Variants in CCNY observed in about 807,000 individuals in gnomAD.
CCNY encodes the protein cyclin-Y.
CCNY carries 19 observed loss-of-function variants against 42.8 expected under a neutral mutation model. The observed-to-expected ratio is 0.44, with a 90% CI of 0.31 to 0.65. The LOEUF (loss-of-function observed/expected upper bound fraction) is 0.65. Among genes scored for constraint, CCNY ranks in the 30% least tolerant of loss-of-function variants. The pLI is 0.07. For missense variants in CCNY, 370 were observed against 437.3 expected, an observed-to-expected ratio of 0.85 and a Z score of 1.37; for synonymous variants, 165 against 162.7, an observed-to-expected ratio of 1.01 and a Z score of -0.11.
chr10:35,540,564 C>CTTTTTTTTTTTTTTTTTTTTTTTTTT (rs561129843), intron 7 of CCNY, among the ~76,000 whole-genome samples: 9 of 144,804 alleles, frequency 6.2e-5, no homozygotes, highest in African/African-American at 2.0e-4. Context: ...ATTCCTTCTA[C>CTTTTTTTTTTTTTTTTTTTTTTTTTT]TTTTTTTTTT....
chr10:35,304,311 ATTT>A (rs1233409039), intron 3 of CCNY, among the ~76,000 whole-genome samples: 3 of 47,564 alleles, frequency 6.3e-5, no homozygotes, highest in African/African-American at 1.6e-4. Context: ...TTTTTTTTTT[ATTT>A]TTTATTTTTT....
At chr10:35,301,559 G>A (rs1835533731) in intron 3 of CCNY, among the ~76,000 whole-genome samples, 1 of 152,192 alleles carries the variant, frequency 6.6e-6, no homozygotes. Flanking sequence ...GAACACATGG[G>A]ATATTTGAGC....
chr10:35,408,690 C>T (rs572125593), intron 1 of CCNY, among the ~76,000 whole-genome samples: 1 of 152,250 alleles, frequency 6.6e-6, no homozygotes, highest in Non-Finnish European at 1.5e-5. Flanking sequence ...TTCAGGCCAT[C>T]TGGATGTATA....
chr10:35,263,535 C>G (rs992042317), intron 3 of CCNY, among the ~76,000 whole-genome samples: 10 of 149,654 alleles, frequency 6.7e-5, no homozygotes, highest in Middle Eastern at 3.4e-3. Context: ...AGCAAAGACC[C>G]TGTCTTAAAA....
intron 3 of CCNY, among the ~76,000 whole-genome samples, chr10:35,515,981 C>T (rs1365798470): frequency 6.6e-6 from 1 of 152,168 alleles, no homozygotes; most frequent in Non-Finnish European, 1.5e-5. Context: ...TTACTTTGTC[C>T]TTAACAAAGC....
intron 1 of CCNY, among the ~76,000 whole-genome samples, chr10:35,397,514 C>CTT (rs1033967117): frequency 2.0e-5 from 3 of 152,188 alleles, no homozygotes; most frequent in African/African-American, 7.2e-5. Flanking sequence ...CCATTTCCCT[C>CTT]TTTGGCCCTG....
intron 2 of CCNY, among the ~76,000 whole-genome samples, chr10:35,500,803 C>T (rs1840095941): frequency 6.6e-6 from 1 of 152,222 alleles, no homozygotes. Context: ...TATCTGGGGA[C>T]ACTGCAGGCT....
At chr10:35,367,748 C>G (rs1170107982) in intron 1 of CCNY, among the ~76,000 whole-genome samples, 1 of 152,190 alleles carries the variant, frequency 6.6e-6, no homozygotes, top group Non-Finnish European at 1.5e-5. Context: ...CCCTTAGAGA[C>G]TATTGCAGGT....
chr10:35,519,776 CTTTTTTTTTT>C (rs1177122335), intron 4 of CCNY, among the ~76,000 whole-genome samples: 46 of 74,662 alleles, frequency 6.2e-4, no homozygotes, highest in Non-Finnish European at 9.0e-4. Flanking sequence ...CTTTTCTTTT[CTTTTTTTTTT>C]TTTTTTTTTT....
intron 1 of CCNY, among the ~76,000 whole-genome samples, chr10:35,436,615 T>TA (rs1330084420): frequency 2.6e-5 from 4 of 152,224 alleles, no homozygotes; most frequent in African/African-American, 7.2e-5. Flanking sequence ...CACTTGCTCT[T>TA]ACCCACATGT....
intron 3 of CCNY, among the ~76,000 whole-genome samples, chr10:35,251,402 G>A (rs914318612): frequency 1.3e-5 from 2 of 152,160 alleles, no homozygotes; most frequent in Non-Finnish European, 2.9e-5. Flanking sequence ...AGATGAGACA[G>A]ATGGTGTTGT....
chr10:35,568,724 A>G (rs1841622339), intron 9 of CCNY, among the ~76,000 whole-genome samples: 1 of 152,234 alleles, frequency 6.6e-6, no homozygotes, highest in African/African-American at 2.4e-5. Context: ...CAAGGATTCA[A>G]AACAGCACGC....
intron 1 of CCNY, among the ~76,000 whole-genome samples, chr10:35,403,295 G>A (rs750534135): frequency 2.6e-5 from 4 of 152,172 alleles, no homozygotes; most frequent in Non-Finnish European, 5.9e-5. Flanking sequence ...ATGAAATGAC[G>A]ACAGAAAAGA....
intron 2 of CCNY, among the ~76,000 whole-genome samples, chr10:35,250,021 C>T (rs571988714): frequency 9.2e-5 from 14 of 152,022 alleles, no homozygotes; most frequent in African/African-American, 2.2e-4. Flanking sequence ...GGTGAAACCC[C>T]GTCTCTACTA....
At chr10:35,330,549 G>T (rs1007209938) in intron 3 of CCNY, among the ~76,000 whole-genome samples, 2 of 152,064 alleles carry the variant, frequency 1.3e-5, no homozygotes, top group Admixed American at 6.5e-5. Context: ...GCTAGATCGG[G>T]ATTACATTTG....
At position 35,572,208 on chromosome 10, in the gene CCNY, G is replaced by A. The variant is rs1011480423; in HGVS notation, c.*3038G>A. 6.6e-6 allele frequency: 1 copy of A among 152,052 alleles called. No homozygotes were observed. Among genetic ancestry groups the A allele is most frequent in the Non-Finnish European group, 1.5e-5 (1 of 68,022 alleles). The allele number at this position is 152,052 out of a possible 1,614,324, so 9.4% of individuals were successfully genotyped here. ...AAGCTAAGCTGAAAGCAAAATTTGG[G>A]GAGTGAATGATTTAAACTTTTCCTG... On this transcript the variant is annotated 3_prime_UTR_variant, in exon 10 of 10. Coordinates refer to ENST00000374704, the MANE Select transcript of CCNY (RefSeq NM_145012.6).
intron 1 of CCNY, among the ~76,000 whole-genome samples, chr10:35,446,817 C>T (rs1838799196): frequency 1.3e-5 from 2 of 152,114 alleles, no homozygotes; most frequent in African/African-American, 2.4e-5. Flanking sequence ...TGTTCTCCAG[C>T]GGAAGTGTAA....
chr10:35,407,122 G>T (rs901592914), intron 1 of CCNY, among the ~76,000 whole-genome samples: 1 of 152,154 alleles, frequency 6.6e-6, no homozygotes, highest in Non-Finnish European at 1.5e-5. Context: ...GAAAAAAGGA[G>T]CATTAACCTT....
chr10:35,456,570 A>G (rs897062680), intron 1 of CCNY, among the ~76,000 whole-genome samples: 4 of 152,178 alleles, frequency 2.6e-5, no homozygotes, highest in Admixed American at 2.6e-4. Flanking sequence ...CCAAAGCTCG[A>G]CAGACTTGAT....
Sources: gnomAD v4.1 joint callset for allele counts (sites outside exome capture counted in the v4.1 genomes callset) on GRCh38, gnomAD v4.1.1 for gene constraint, MANE v1.5 for transcripts, NCBI Gene and HGNC (gene_info 2026-07-23, HGNC 2026-07-21) for gene names.